Variants in MDGA2 observed in about 807,000 individuals in gnomAD.
The protein encoded by MDGA2 is MAM domain-containing glycosylphosphatidylinositol anchor protein 2.
MDGA2 carries 40 observed loss-of-function variants against 117.8 expected under a neutral mutation model. That is an observed-to-expected ratio of 0.34 (90% CI 0.26 to 0.44). The LOEUF (loss-of-function observed/expected upper bound fraction) is 0.44, where lower values mean the gene tolerates loss of function less well. Ranked by LOEUF, MDGA2 falls within the 20% of genes least tolerant of loss-of-function variation. The pLI is 1.00. For synonymous variants in MDGA2, 452 were observed against 439.0 expected, an observed-to-expected ratio of 1.03 and a Z score of -0.37; for missense variants, 1,123 against 1,250.6, an observed-to-expected ratio of 0.90 and a Z score of 1.54.
chr14:47,475,147 C>T (rs1594876160), intron 1 of MDGA2, among the ~76,000 whole-genome samples: 1 of 151,822 alleles, frequency 6.6e-6, no homozygotes, highest in Non-Finnish European at 1.5e-5. Context: ...AAAAAACAAC[C>T]CCGTTAAAAA....
chr14:47,494,876 T>TTATATATATATATATA (rs10627834), intron 1 of MDGA2, among the ~76,000 whole-genome samples: 3 of 141,020 alleles, frequency 2.1e-5, no homozygotes, highest in Non-Finnish European at 4.5e-5. Flanking sequence ...TAAAATGTGA[T>TTATATATATATATATA]TATATATATA....
At chr14:47,160,382 T>TACAA (rs1323194941) in intron 3 of MDGA2, among the ~76,000 whole-genome samples, 4 of 152,130 alleles carry the variant, frequency 2.6e-5, no homozygotes, top group Admixed American at 6.6e-5. Context: ...TATTTTCTTT[T>TACAA]ACAAACAAAC....
At chr14:47,060,060 G>A (rs961336739) in intron 7 of MDGA2, among the ~76,000 whole-genome samples, 8 of 151,956 alleles carry the variant, frequency 5.3e-5, no homozygotes, top group East Asian at 3.9e-4. Context: ...ATCTCTTAGC[G>A]CTAGCACCAA....
chr14:47,060,803 A>G (rs1889855236), intron 7 of MDGA2, among the ~76,000 whole-genome samples: 1 of 151,994 alleles, frequency 6.6e-6, no homozygotes. Context: ...TGTAGGGTAC[A>G]TTTCTTACAT....
intron 1 of MDGA2, among the ~76,000 whole-genome samples, chr14:47,504,508 A>T (rs1894470190): frequency 6.6e-6 from 1 of 152,130 alleles, no homozygotes; most frequent in Non-Finnish European, 1.5e-5. Flanking sequence ...CTATATCCGA[A>T]GTCTCGAGAA....
chr14:47,221,454 C>T (rs1263697397), intron 2 of MDGA2, among the ~76,000 whole-genome samples: 4 of 152,072 alleles, frequency 2.6e-5, no homozygotes, highest in African/African-American at 9.7e-5. Flanking sequence ...TTTGGGAGGC[C>T]GAGGCAGGCG....
chr14:47,025,725 T>A (rs968471208), intron 8 of MDGA2, among the ~76,000 whole-genome samples: 40 of 142,476 alleles, frequency 2.8e-4, no homozygotes, highest in African/African-American at 9.2e-4. Context: ...AAAAAAAAAA[T>A]TATATTTTGG....
At chr14:47,444,066 TTATTGTC>T (rs1366622776) in intron 1 of MDGA2, 3 of 159,194 alleles carry the variant, frequency 1.9e-5, no homozygotes, top group African/African-American at 7.2e-5. Flanking sequence ...TTATTTTTGT[TTATTGTC>T]TATTGAGCAT....
chr14:47,084,695 G>C (rs1286375060), intron 6 of MDGA2, among the ~76,000 whole-genome samples: 2 of 152,126 alleles, frequency 1.3e-5, no homozygotes, highest in African/African-American at 4.8e-5. Context: ...TCAGAGTGGA[G>C]ACCTCATGAG....
chr14:47,551,269 A>T (rs1895575707), intron 1 of MDGA2, among the ~76,000 whole-genome samples: 1 of 152,174 alleles, frequency 6.6e-6, no homozygotes, highest in Non-Finnish European at 1.5e-5. Context: ...GCCTTTTATC[A>T]CAGACCAGCC....
intron 2 of MDGA2, among the ~76,000 whole-genome samples, chr14:47,236,536 A>G (rs1293952300): frequency 6.6e-6 from 1 of 152,134 alleles, no homozygotes; most frequent in Non-Finnish European, 1.5e-5. Flanking sequence ...ACAAAACAAA[A>G]ACAAAAACAA....
At chr14:47,650,356 T>C (rs971897911) in intron 1 of MDGA2, among the ~76,000 whole-genome samples, 2 of 152,216 alleles carry the variant, frequency 1.3e-5, no homozygotes, top group African/African-American at 4.8e-5. Flanking sequence ...CAGCAGGTCC[T>C]TGAATAACAT....
At chr14:47,615,097 C>T (rs1383220366) in intron 1 of MDGA2, among the ~76,000 whole-genome samples, 1 of 150,222 alleles carries the variant, frequency 6.7e-6, no homozygotes, top group Non-Finnish European at 1.5e-5. Context: ...ATTCATATTC[C>T]TGATGTGGTA....
chr14:47,489,074 T>C (rs1304194255), intron 1 of MDGA2, among the ~76,000 whole-genome samples: 1 of 152,012 alleles, frequency 6.6e-6, no homozygotes, highest in African/African-American at 2.4e-5. Context: ...GTATTTATGA[T>C]GATGTAGGTT....
intron 1 of MDGA2, among the ~76,000 whole-genome samples, chr14:47,407,045 CT>C (rs1189996457): frequency 6.6e-6 from 1 of 151,890 alleles, no homozygotes; most frequent in Non-Finnish European, 1.5e-5. Flanking sequence ...AATCCATTCC[CT>C]TATCAAAACA....
chr14:47,659,711 G>C (rs546067393), intron 1 of MDGA2, among the ~76,000 whole-genome samples: 16 of 152,190 alleles, frequency 1.1e-4, no homozygotes, highest in Non-Finnish European at 2.2e-4. Context: ...ATCACAAAAT[G>C]CAAAAATTGG....
intron 3 of MDGA2, among the ~76,000 whole-genome samples, chr14:47,164,924 A>C (rs535187086): frequency 1.3e-5 from 2 of 152,340 alleles, no homozygotes; most frequent in East Asian, 3.9e-4. Context: ...TGCAGCCATA[A>C]AAAATGATGA....
chr14:47,235,443 T>G (rs1015118779), intron 2 of MDGA2, among the ~76,000 whole-genome samples: 3 of 152,196 alleles, frequency 2.0e-5, no homozygotes, highest in Non-Finnish European at 4.4e-5. Flanking sequence ...ATTCAGACAG[T>G]GTAGGCAGAG....
In MDGA2 at chr14:47,062,075, C is replaced by G. The variant is rs527271030; in HGVS notation, c.1196-497G>C. 2.6e-5 allele frequency among the ~76,000 whole-genome samples: 4 copies of G among 152,082 alleles called. No homozygotes were observed. The East Asian group carries it at 7.7e-4, about 29-fold the overall frequency. On this transcript the variant is annotated intron_variant, in intron 6 of 16. Transcript: ENST00000399232. Reference sequence around the variant, plus strand: ...GGTTGTATCTATATGTTGATCAACACTAGTTCGGTAATATTTGAGTCCATT... The same window carrying G: ...GGTTGTATCTATATGTTGATCAACAGTAGTTCGGTAATATTTGAGTCCATT...
Sources: allele counts gnomAD v4.1 joint callset (sites outside exome capture counted in the v4.1 genomes callset), GRCh38; gene constraint gnomAD v4.1.1; transcripts MANE v1.5; gene names NCBI Gene and HGNC (gene_info 2026-07-23, HGNC 2026-07-21).